The following INPP4B variants were observed in gnomAD, a reference collection of about 807,000 sequenced individuals.
The protein encoded by INPP4B is inositol polyphosphate-4-phosphatase type II B.
In INPP4B, 55 loss-of-function variants were observed where a neutral mutation model predicts 122.5. The ratio of observed to expected loss-of-function variants is 0.45; its 90% CI spans 0.36 to 0.56. The LOEUF (loss-of-function observed/expected upper bound fraction) is 0.56. Among genes scored for constraint, INPP4B ranks in the 20% least tolerant of loss-of-function variants. The pLI is 0.00. For missense variants in INPP4B, 1,000 were observed against 1,097.7 expected, an observed-to-expected ratio of 0.91 and a Z score of 1.26; for synonymous variants, 403 against 388.7, an observed-to-expected ratio of 1.04 and a Z score of -0.43.
chr4:142,129,033 A>G (rs75168121), intron 18 of INPP4B, among the ~76,000 whole-genome samples: 3,264 of 152,322 alleles, frequency 0.021, 118 homozygotes, highest in African/African-American at 0.075. Context: ...CCTTTCAGAC[A>G]CAGAAAAAAG....
chr4:142,828,893 G>A (rs538083611), intron 1 of INPP4B, among the ~76,000 whole-genome samples: 4 of 151,974 alleles, frequency 2.6e-5, no homozygotes, highest in Non-Finnish European at 5.9e-5. Flanking sequence ...ATGTTGACTT[G>A]GATCCACTCT....
chr4:142,685,135 G>C (rs759948415), intron 2 of INPP4B, among the ~76,000 whole-genome samples: 1 of 152,068 alleles, frequency 6.6e-6, no homozygotes, highest in Non-Finnish European at 1.5e-5. Flanking sequence ...AAGGAATGCT[G>C]CAGCTTCAGA....
At chr4:142,087,493 G>T (rs1473957924) in intron 23 of INPP4B, among the ~76,000 whole-genome samples, 1 of 152,190 alleles carries the variant, frequency 6.6e-6, no homozygotes, top group African/African-American at 2.4e-5. Context: ...CTGTCTAAGT[G>T]AATGGTTGGA....
rs1240916197 is a variant in INPP4B, at chr4:142,208,437, G to A, written c.1060C>T (p.Pro354Ser). The A allele has an allele frequency of 6.4e-7, 1 of 1,557,264 alleles. No homozygotes were observed. The highest frequency in any genetic ancestry group is 8.8e-7 in the Non-Finnish European group (1 of 1,139,096). Residue 354 changes from proline to serine, a missense_variant, in exon 14 of 26, where the codon CCT becomes TCT. By Grantham distance (74) the Pro-to-Ser change is moderately conservative (BLOSUM62 -1). Transcript: ENST00000262992. ...TAATTTATGATACCTTTCAAGTGAG[G>A]GCTGTGTACCTGCATTCTTTGCAGA... Reference protein sequence around the residue: ...LHLQRMQVHSPHLKDALYDVI... With the variant: ...LHLQRMQVHSSHLKDALYDVI...
At chr4:142,370,218 T>C (rs1789344056) in intron 7 of INPP4B, among the ~76,000 whole-genome samples, 2 of 152,248 alleles carry the variant, frequency 1.3e-5, no homozygotes, top group African/African-American at 4.8e-5. Context: ...TAAATAAATG[T>C]CTTTGTAATA....
intron 2 of INPP4B, among the ~76,000 whole-genome samples, chr4:142,538,465 A>G (rs533683412): frequency 1.5e-3 from 223 of 152,122 alleles, no homozygotes; most frequent in Non-Finnish European, 2.3e-3. Context: ...TAAAACAACC[A>G]TGAACCTTTA....
At chr4:142,337,540 T>C (rs1359532655) in intron 7 of INPP4B, among the ~76,000 whole-genome samples, 2 of 151,022 alleles carry the variant, frequency 1.3e-5, no homozygotes, top group African/African-American at 2.4e-5. Flanking sequence ...TATCTGATTA[T>C]TAATGAGGTC....
chr4:142,438,998 A>G (rs1157347814), intron 3 of INPP4B, among the ~76,000 whole-genome samples: 5 of 152,204 alleles, frequency 3.3e-5, no homozygotes, highest in African/African-American at 4.8e-5. Flanking sequence ...TAGGGAATGC[A>G]CACTGTGGGA....
chr4:142,709,322 G>A (rs895330609), intron 2 of INPP4B, among the ~76,000 whole-genome samples: 4 of 152,104 alleles, frequency 2.6e-5, no homozygotes, highest in Non-Finnish European at 5.9e-5. Flanking sequence ...TAAGGCTTTG[G>A]GGGACTGTTA....
At chr4:142,225,944 C>T (rs981510735) in intron 12 of INPP4B, among the ~76,000 whole-genome samples, 3 of 152,050 alleles carry the variant, frequency 2.0e-5, no homozygotes, top group Admixed American at 6.6e-5. Context: ...TATAAAGGTG[C>T]ACATGATATA....
At chr4:142,805,484 T>C (rs1778565880) in intron 1 of INPP4B, among the ~76,000 whole-genome samples, 1 of 152,128 alleles carries the variant, frequency 6.6e-6, no homozygotes, top group African/African-American at 2.4e-5. Flanking sequence ...GAATATAAAT[T>C]ACAGTTGGCC....
intron 2 of INPP4B, among the ~76,000 whole-genome samples, chr4:142,613,477 T>C (rs1210068826): frequency 6.6e-6 from 1 of 152,190 alleles, no homozygotes; most frequent in African/African-American, 2.4e-5. Flanking sequence ...ATTTCATGAG[T>C]TACCATCATA....
intron 15 of INPP4B, among the ~76,000 whole-genome samples, chr4:142,176,782 C>T (rs762932453): frequency 4.3e-4 from 65 of 152,216 alleles, no homozygotes; most frequent in African/African-American, 1.3e-3. Context: ...AACGCAGGGA[C>T]GGAGCATCTT....
chr4:142,531,851 C>T (rs1827655514), intron 2 of INPP4B, among the ~76,000 whole-genome samples: 1 of 152,098 alleles, frequency 6.6e-6, no homozygotes, highest in African/African-American at 2.4e-5. Flanking sequence ...TTAGTTGCTT[C>T]TCAAAATACT....
chr4:142,345,603 T>C (rs1780044124), intron 7 of INPP4B, among the ~76,000 whole-genome samples: 2 of 152,058 alleles, frequency 1.3e-5, no homozygotes, highest in Middle Eastern at 3.4e-3. Context: ...AAACATGGAT[T>C]ATAGCACATT....
intron 7 of INPP4B, among the ~76,000 whole-genome samples, chr4:142,379,267 CTA>C (rs1219337752): frequency 1.3e-5 from 2 of 152,168 alleles, no homozygotes; most frequent in African/African-American, 2.4e-5. Flanking sequence ...TGAATTCACA[CTA>C]TGAATTCCTT....
At chr4:142,731,656 A>G (rs1479147114) in intron 1 of INPP4B, among the ~76,000 whole-genome samples, 1 of 152,168 alleles carries the variant, frequency 6.6e-6, no homozygotes, top group Non-Finnish European at 1.5e-5. Flanking sequence ...TGAAGTCTTC[A>G]TTTCCCTTCT....
chr4:142,753,083 G>A (rs1449935136), intron 1 of INPP4B, among the ~76,000 whole-genome samples: 2 of 152,076 alleles, frequency 1.3e-5, no homozygotes, highest in African/African-American at 2.4e-5. Flanking sequence ...TATTCTGACA[G>A]AATCAGAACT....
chr4:142,744,845 A>ATATAAGATGT (rs1415378689), intron 1 of INPP4B, among the ~76,000 whole-genome samples: 5 of 151,910 alleles, frequency 3.3e-5, no homozygotes, highest in Non-Finnish European at 7.4e-5. Context: ...ATAGACATAA[A>ATATAAGATGT]TATAAGATGT....
Sources: gnomAD v4.1 joint callset for allele counts (sites outside exome capture counted in the v4.1 genomes callset) on GRCh38, gnomAD v4.1.1 for gene constraint, MANE v1.5 for transcripts, NCBI Gene and HGNC (gene_info 2026-07-23, HGNC 2026-07-21) for gene names.